NPLOC4: variants seen among roughly 807,000 people sequenced by gnomAD.
NPLOC4 encodes the protein nuclear protein localization protein 4 homolog.
NPLOC4 carries 18 observed loss-of-function variants against 80.6 expected under a neutral mutation model. The observed-to-expected ratio is 0.22, with a 90% CI of 0.15 to 0.33. The LOEUF (loss-of-function observed/expected upper bound fraction) is 0.33. Ranked by LOEUF, NPLOC4 falls within the 10% of genes least tolerant of loss-of-function variation. The pLI is 1.00. For synonymous variants in NPLOC4, 313 were observed against 301.5 expected (o/e 1.04, Z -0.39); for missense variants, 540 against 786.1 (o/e 0.69, Z 3.74).
intron 2 of NPLOC4, among the ~76,000 whole-genome samples, chr17:81,624,149 G>C (rs1042703156): frequency 3.3e-5 from 5 of 152,098 alleles, no homozygotes; most frequent in Admixed American, 6.6e-5. Flanking sequence ...GGCCAGGTGT[G>C]GTGACTCACG....
At chr17:81,631,817 G>A (rs529427687) in intron 1 of NPLOC4, among the ~76,000 whole-genome samples, 15 of 150,580 alleles carry the variant, frequency 1.0e-4, no homozygotes, top group African/African-American at 3.2e-4. Context: ...TTTTTTCCCC[G>A]AGATGAAGTT....
intron 13 of NPLOC4, among the ~76,000 whole-genome samples, chr17:81,569,621 C>T (rs577013555): frequency 6.6e-6 from 1 of 152,336 alleles, no homozygotes; most frequent in Non-Finnish European, 1.5e-5. Context: ...GCTCACTAAG[C>T]CCCTTCTGAA....
Position 81,629,793 on chromosome 17 carries a change from G to A in NPLOC4, c.28C>T (p.Gln10Ter). 6.2e-7 allele frequency: 1 copy of A among 1,613,100 alleles called. No individual in the cohort carries two copies. The highest frequency in any genetic ancestry group is 8.5e-7 in the Non-Finnish European group (1 of 1,179,142). MAESIIIRV[Q>*]SPDGVKRITA... Reference sequence around the variant, plus strand: ...ATCCGCTTCACTCCATCCGGGGACTGGACACGAATTATCTGTTGCAAACAA... The same window carrying A: ...ATCCGCTTCACTCCATCCGGGGACTAGACACGAATTATCTGTTGCAAACAA... The change falls in exon 2 of 17, where the codon CAG becomes TAG. Residue 10 changes from glutamine (Q) to a stop codon, truncating the protein, a stop_gained. Transcript: ENST00000331134. LOFTEE classifies it high-confidence loss of function.
At chr17:81,585,665 G>GC (rs1347211521) in intron 12 of NPLOC4, among the ~76,000 whole-genome samples, 9 of 147,186 alleles carry the variant, frequency 6.1e-5, no homozygotes, top group Non-Finnish European at 1.2e-4. Flanking sequence ...CATTTCTGGG[G>GC]GGGGGGGGAA....
intron 8 of NPLOC4, among the ~76,000 whole-genome samples, chr17:81,602,507 A>T (rs2035084166): frequency 6.6e-6 from 1 of 152,048 alleles, no homozygotes; most frequent in Non-Finnish European, 1.5e-5. Context: ...GTTTGAGACC[A>T]GCCTGACCAA....
chr17:81,564,037 C>T (rs1468781691), intron 16 of NPLOC4: 7 of 411,262 alleles, frequency 1.7e-5, no homozygotes, highest in Admixed American at 2.7e-5. Context: ...GCTAAGATTG[C>T]GCCACTGCAC....
In NPLOC4 at chr17:81,573,724, C is replaced by T. The variant is rs142260670; in HGVS notation, c.1282-1636G>A. On this transcript the variant is annotated intron_variant, in intron 12 of 16. Coordinates refer to ENST00000331134, the MANE Select transcript of NPLOC4 (RefSeq NM_017921.4). Reference sequence around the variant, plus strand: ...GCCAACAAGAACTTGCCTCTACCCTCCCAGAGAAAAATGGTCCAAATAGAT... The same window carrying T: ...GCCAACAAGAACTTGCCTCTACCCTTCCAGAGAAAAATGGTCCAAATAGAT... The T allele has an allele frequency of 1.4e-4, 22 of 152,336 alleles. No individual in the cohort carries two copies. In the East Asian group the frequency reaches 3.7e-3, roughly 25 times the overall value. 9.4% of individuals were successfully genotyped at this position (152,336 alleles called of 1,614,324 possible).
chr17:81,573,139 G>A (rs1487984271), intron 12 of NPLOC4, among the ~76,000 whole-genome samples: 1 of 152,074 alleles, frequency 6.6e-6, no homozygotes, highest in Non-Finnish European at 1.5e-5. Context: ...TGCAAGAGGG[G>A]ATCACATTTT....
At chr17:81,587,830 G>A (rs913942072) in intron 12 of NPLOC4, among the ~76,000 whole-genome samples, 9 of 148,540 alleles carry the variant, frequency 6.1e-5, no homozygotes, top group Non-Finnish European at 1.0e-4. Context: ...TACCACGCCC[G>A]GCTTATTTTT....
At chr17:81,568,829 G>A (rs764612215) in intron 14 of NPLOC4, among the ~76,000 whole-genome samples, 187 bp downstream of exon 14, 3 of 152,222 alleles carry the variant, frequency 2.0e-5, no homozygotes, top group Non-Finnish European at 4.4e-5. Flanking sequence ...CTTTGTGGCC[G>A]TCCATCACCT....
Position 81,629,763 on chromosome 17 carries a change from C to A in NPLOC4, c.58G>T (p.Ala20Ser). 6.2e-7 allele frequency: 1 copy of A among 1,613,864 alleles called. No individual in the cohort carries two copies. The highest frequency in any genetic ancestry group is 8.5e-7 in the Non-Finnish European group (1 of 1,179,798). ...GTTGCTGCTGTTTCTCTCTTTGTTGCTGTGATCCGCTTCACTCCATCCGGG... is the reference window on the plus strand; with the variant it reads ...GTTGCTGCTGTTTCTCTCTTTGTTGATGTGATCCGCTTCACTCCATCCGGG... ...QSPDGVKRIT[A>S]TKRETAATFL... Residue 20 changes from alanine to serine, a missense_variant, in exon 2 of 17, where the codon GCA (alanine) becomes TCA (serine). Physicochemically the swap from Ala to Ser is moderately conservative, Grantham distance 99. Coordinates refer to ENST00000331134, the MANE Select transcript of NPLOC4 (RefSeq NM_017921.4).
intron 7 of NPLOC4, among the ~76,000 whole-genome samples, chr17:81,605,662 A>T (rs11150802): frequency 0.2 from 30,874 of 151,264 alleles, 3,932 homozygotes; most frequent in East Asian, 0.65. Context: ...AAAAAAAAAA[A>T]TGCTCTGCCC....
chr17:81,580,781 G>A lies in NPLOC4; in HGVS notation c.1281+8163C>T, dbSNP rs2034417190. On this transcript the variant is annotated intron_variant, in intron 12 of 16. Coordinates refer to ENST00000331134, the MANE Select transcript of NPLOC4 (RefSeq NM_017921.4). This position sits in a 1 kb window ranked among gnomAD's most constrained non-coding sequence, Gnocchi z 4.4. Reference sequence around the variant, plus strand: ...GAACTCCAGGGCCTGGCAATTCACAGGTGTTCTCTAAACATGAGAGAATGG... The same window carrying A: ...GAACTCCAGGGCCTGGCAATTCACAAGTGTTCTCTAAACATGAGAGAATGG... Among the ~76,000 whole-genome samples the A allele has an allele frequency of 6.6e-6, 1 of 152,232 alleles. No individual in the cohort carries two copies. Among genetic ancestry groups the A allele is most frequent in the Non-Finnish European group, 1.5e-5 (1 of 68,048 alleles).
chr17:81,617,001 G>A (rs1040406678), intron 3 of NPLOC4, among the ~76,000 whole-genome samples: 10 of 152,160 alleles, frequency 6.6e-5, no homozygotes, highest in East Asian at 1.9e-4. Flanking sequence ...CAGCTAGACC[G>A]CATGCCAGGT....
At chr17:81,596,311 A>G in intron 10 of NPLOC4, 69 bp from the exon 11 acceptor site, 1 of 1,526,546 alleles carries the variant, frequency 6.6e-7, no homozygotes, top group East Asian at 2.3e-5. Context: ...TTTCTTCTTT[A>G]AAAAATAAGA....
rs6565596 is a variant in NPLOC4 at position 81,558,092 on chromosome 17, T to C, written c.*1167A>G. On this transcript the variant is annotated 3_prime_UTR_variant, in exon 17 of 17. Coordinates refer to ENST00000331134, the MANE Select transcript of NPLOC4 (RefSeq NM_017921.4). ...CCCACCACTCCCCGGGTAAGAGCCA[T>C]GCCCCGGCCTGGCCACGCCACAGAG... is the stretch of plus-strand genomic sequence containing the variant. 6.6e-6 allele frequency: 1 copy of C among 152,166 alleles called. No individual in the cohort carries two copies. Among genetic ancestry groups the C allele is most frequent in the Admixed American group, 6.6e-5 (1 of 15,262 alleles). 9.4% of individuals were successfully genotyped at this position (152,166 alleles called of 1,614,324 possible).
At chr17:81,590,305 T>C (rs1416766456) in intron 11 of NPLOC4, among the ~76,000 whole-genome samples, 2 of 152,182 alleles carry the variant, frequency 1.3e-5, no homozygotes, top group Non-Finnish European at 2.9e-5. Context: ...AATGACTTCA[T>C]GTGGGGACAG....
At chr17:81,631,506 C>A (rs1223973384) in intron 1 of NPLOC4, among the ~76,000 whole-genome samples, 1 of 143,264 alleles carries the variant, frequency 7.0e-6, no homozygotes, top group African/African-American at 2.6e-5. Context: ...TGGAAGACTA[C>A]TGGACAAAGG....
rs1166647235 is a variant in NPLOC4, at chr17:81,580,565, G to A, written c.1281+8379C>T. Among the ~76,000 whole-genome samples the A allele has an allele frequency of 1.3e-5, 2 of 152,112 alleles. No individual in the cohort carries two copies. Among genetic ancestry groups the A allele is most frequent in the Non-Finnish European group, 2.9e-5 (2 of 68,010 alleles). Reference sequence around the variant, plus strand: ...CTTATCACTCTCTGTGTGGGGAACAGGCTGCTGCCTCTGTCTGAACAATCT... The same window carrying A: ...CTTATCACTCTCTGTGTGGGGAACAAGCTGCTGCCTCTGTCTGAACAATCT... On this transcript the variant is annotated intron_variant, in intron 12 of 16. Coordinates refer to ENST00000331134, the MANE Select transcript of NPLOC4 (RefSeq NM_017921.4). The surrounding 1 kb of genome is among the most constrained non-coding windows in gnomAD (Gnocchi z 4.4).
Sources: gnomAD v4.1 joint callset for allele counts (sites outside exome capture counted in the v4.1 genomes callset) on GRCh38, gnomAD v4.1.1 for gene constraint, Gnocchi (gnomAD v3.1) non-coding constraint, MANE v1.5 for transcripts, NCBI Gene and HGNC (gene_info 2026-07-23, HGNC 2026-07-21) for gene names.